MTUS2: variants seen among roughly 807,000 people sequenced by gnomAD.
MTUS2 encodes the protein microtubule-associated tumor suppressor candidate 2.
In MTUS2, 40 loss-of-function variants were observed where a neutral mutation model predicts 114.1. That is an observed-to-expected ratio of 0.35 (90% CI 0.27 to 0.46). MTUS2 has a LOEUF of 0.46. MTUS2 is among the 20% of genes least tolerant of loss of function. The pLI, the probability that MTUS2 is intolerant of heterozygous loss-of-function variation, is 1.00. For synonymous variants in MTUS2, 688 were observed against 672.0 expected (o/e 1.02, Z -0.37); for missense variants, 1,679 against 1,705.4 (o/e 0.98, Z 0.27).
intron 2 of MTUS2, among the ~76,000 whole-genome samples, chr13:28,849,589 A>G (rs904553438): frequency 2.0e-5 from 3 of 152,186 alleles, no homozygotes; most frequent in Admixed American, 1.3e-4. Flanking sequence ...ACAGACAGAT[A>G]TAACTACAGC....
At chr13:28,948,837 G>A (rs541396349) in intron 2 of MTUS2, among the ~76,000 whole-genome samples, 6 of 152,098 alleles carry the variant, frequency 3.9e-5, no homozygotes, top group Non-Finnish European at 7.4e-5. Context: ...CCACTCCCCC[G>A]GTCTTATAAA....
chr13:29,140,031 T>A (rs1328174847), intron 5 of MTUS2, among the ~76,000 whole-genome samples: 1 of 152,186 alleles, frequency 6.6e-6, no homozygotes, highest in Non-Finnish European at 1.5e-5. Flanking sequence ...CGTTGAGAAT[T>A]TTCTTCTTTC....
chr13:29,157,676 G>A (rs1246365825), intron 5 of MTUS2, among the ~76,000 whole-genome samples: 1 of 152,174 alleles, frequency 6.6e-6, no homozygotes, highest in Non-Finnish European at 1.5e-5. Context: ...GGAGGAATAA[G>A]TGAAATGCTG....
At chr13:29,446,702 G>A (rs1283581085) in intron 9 of MTUS2, among the ~76,000 whole-genome samples, 2 of 152,154 alleles carry the variant, frequency 1.3e-5, no homozygotes, top group African/African-American at 4.8e-5. Flanking sequence ...AATGCAAAAC[G>A]TGTTGGATAT....
chr13:28,862,882 A>T (rs184467909), intron 2 of MTUS2, among the ~76,000 whole-genome samples: 1 of 152,312 alleles, frequency 6.6e-6, no homozygotes, highest in East Asian at 1.9e-4. Context: ...ATCATAATAG[A>T]TATTTCCCAG....
chr13:29,079,995 A>T (rs993421668), intron 4 of MTUS2, among the ~76,000 whole-genome samples: 1 of 152,234 alleles, frequency 6.6e-6, no homozygotes, highest in South Asian at 2.1e-4. Context: ...GAGTATTGCC[A>T]TCTTAACAAT....
chr13:29,125,048 A>G (rs951485341), intron 5 of MTUS2, among the ~76,000 whole-genome samples: 6 of 152,246 alleles, frequency 3.9e-5, no homozygotes, highest in African/African-American at 1.4e-4. Flanking sequence ...TGTACTTAAT[A>G]CCACTGAACT....
intron 8 of MTUS2, among the ~76,000 whole-genome samples, chr13:29,378,343 G>T (rs1201084802): frequency 6.6e-6 from 1 of 151,948 alleles, no homozygotes; most frequent in African/African-American, 2.4e-5. Context: ...TTGTCCTTTG[G>T]GTGTTATTGG....
chr13:28,978,923 G>C (rs114692758), intron 2 of MTUS2, among the ~76,000 whole-genome samples: 1 of 152,130 alleles, frequency 6.6e-6, no homozygotes, highest in Non-Finnish European at 1.5e-5. Context: ...GGGATCTACC[G>C]CTCCATTTCA....
intron 5 of MTUS2, among the ~76,000 whole-genome samples, chr13:29,234,610 G>GA (rs1014701745): frequency 6.6e-6 from 1 of 152,098 alleles, no homozygotes; most frequent in South Asian, 2.1e-4. Flanking sequence ...CAAACACTTA[G>GA]AAAAAAACTC....
chr13:29,389,439 ATGTG>A lies in MTUS2; in HGVS notation c.3117+29968_3117+29971del, dbSNP rs1483637813. Among the ~76,000 whole-genome samples the A allele has an allele frequency of 1.4e-4, 11 of 79,438 alleles. 2 individuals are homozygous for A. Among genetic ancestry groups the A allele is most frequent in the South Asian group, 4.7e-4 (1 of 2,150 alleles). 52.1% of individuals were successfully genotyped at this position (79,438 alleles called of 152,430 possible). A position where few individuals can be genotyped will look rare whatever the true frequency, so the allele number is the denominator to read the frequency against. The stretch of plus-strand genomic sequence containing the variant: ...TGTGTGTATGTATACACGTGTGTGT[ATGTG>A]TATGTATACACGTGTGTGTATGTGT... On this transcript the variant is annotated intron_variant, in intron 8 of 15. Coordinates refer to ENST00000612955, the MANE Select transcript of MTUS2 (RefSeq NM_001033602.4).
In MTUS2 at chr13:29,026,328, A is replaced by G. The variant is rs565425000; in HGVS notation, c.1630A>G (p.Met544Val). The G allele has an allele frequency of 1.7e-5, 28 of 1,613,874 alleles. No homozygotes were observed. The highest frequency in any genetic ancestry group is 6.7e-5 in the Admixed American group (4 of 60,006). Residue 544 changes from methionine (M) to valine (V), a missense_variant, in exon 3 of 16, where the codon ATG becomes GTG. Physicochemically the swap from Met to Val is conservative, Grantham distance 21. Transcript: ENST00000612955. ...APLHPETTVN[M>V]TYQPTTPSSS... ...CCTCCACCCAGAGACAACTGTGAACATGACCTACCAGCCTACAACACCCAG... is the reference window on the plus strand; with the variant it reads ...CCTCCACCCAGAGACAACTGTGAACGTGACCTACCAGCCTACAACACCCAG...
intron 8 of MTUS2, among the ~76,000 whole-genome samples, chr13:29,373,129 C>T (rs1566161332): frequency 6.6e-6 from 1 of 152,120 alleles, no homozygotes; most frequent in Non-Finnish European, 1.5e-5. Flanking sequence ...AGGTCTGACT[C>T]GAGAAGTGGG....
intron 8 of MTUS2, among the ~76,000 whole-genome samples, chr13:29,433,390 GAAATTTCATTTCACAGCAGAAA>G (rs1473340773): frequency 6.6e-6 from 1 of 152,200 alleles, no homozygotes; most frequent in African/African-American, 2.4e-5. Flanking sequence ...AAGCCTATAT[GAAATTTCATTTCACAGCAGAAA>G]AGCAGATCAT....
At chr13:29,031,228 G>T (rs1886798922) in intron 3 of MTUS2, among the ~76,000 whole-genome samples, 1 of 144,530 alleles carries the variant, frequency 6.9e-6, no homozygotes, top group African/African-American at 2.6e-5. Context: ...CAGACAAATA[G>T]AACTAATAGG....
intron 2 of MTUS2, among the ~76,000 whole-genome samples, chr13:28,953,666 A>G (rs1440063162): frequency 6.6e-6 from 1 of 151,990 alleles, no homozygotes; most frequent in Non-Finnish European, 1.5e-5. Context: ...TATTATGTTT[A>G]TATGTTTTGT....
intron 9 of MTUS2, among the ~76,000 whole-genome samples, chr13:29,461,533 A>G (rs903376316): frequency 4.6e-5 from 7 of 152,236 alleles, no homozygotes; most frequent in Non-Finnish European, 8.8e-5. Flanking sequence ...AGTACATTCA[A>G]CAGAAAGCAG....
chr13:28,940,292 G>A (rs1028614520), intron 2 of MTUS2, among the ~76,000 whole-genome samples: 10 of 152,190 alleles, frequency 6.6e-5, no homozygotes, highest in Non-Finnish European at 1.2e-4. Flanking sequence ...CTATAAAAAG[G>A]AATTAGGTAC....
intron 2 of MTUS2, among the ~76,000 whole-genome samples, chr13:28,890,448 G>A (rs1307049370): frequency 2.0e-5 from 3 of 152,102 alleles, no homozygotes; most frequent in Non-Finnish European, 2.9e-5. Flanking sequence ...CTGGGAGCAC[G>A]TCACTACATT....
Sources: allele counts gnomAD v4.1 joint callset (sites outside exome capture counted in the v4.1 genomes callset), GRCh38; gene constraint gnomAD v4.1.1; transcripts MANE v1.5; gene names NCBI Gene and HGNC (gene_info 2026-07-23, HGNC 2026-07-21).